KMT2C: variants seen among roughly 807,000 people sequenced by gnomAD.
KMT2C encodes histone-lysine N-methyltransferase 2C.
Under a neutral mutation model 507.9 loss-of-function variants are expected in KMT2C, and 88 were observed. That is an observed-to-expected ratio of 0.17 (90% CI 0.15 to 0.21). The LOEUF is 0.21. KMT2C is among the 10% of genes least tolerant of loss of function. The probability of loss-of-function intolerance (pLI) is 1.00; values close to 1 mark genes in which losing one functional copy is unlikely to be tolerated. For synonymous variants in KMT2C, 2,049 were observed against 2,080.8 expected (o/e 0.98, Z 0.42); for missense variants, 4,954 against 5,957.8 (o/e 0.83, Z 5.55).
chr7:152,378,142 T>A (rs1294695346), intron 1 of KMT2C, among the ~76,000 whole-genome samples: 1 of 152,224 alleles, frequency 6.6e-6, no homozygotes, highest in Non-Finnish European at 1.5e-5. Flanking sequence ...CAACAAAGGA[T>A]TCAGAATACT....
Position 152,177,024 on chromosome 7 carries a change from T to C in KMT2C, c.8429A>G (p.His2810Arg), listed in dbSNP as rs779206480. 5.0e-6 allele frequency: 8 copies of C among 1,613,990 alleles called. No individual in the cohort carries two copies. The highest frequency in any genetic ancestry group is 6.8e-6 in the Non-Finnish European group (8 of 1,180,034). ...AACAGTGGATTTTTTCTGTGGTGAA[T>C]GTTTATCAGAGAGAACCAGAGTTTT... ...ENKTLVLSDKHSPQKKSTVTN... is the reference protein window; with the variant it reads ...ENKTLVLSDKRSPQKKSTVTN... Residue 2810 changes from histidine to arginine, a missense_variant, in exon 38 of 59, where the codon CAT becomes CGT. Physicochemically the swap from His to Arg is conservative, Grantham distance 29. Transcript: ENST00000262189.
intron 3 of KMT2C, among the ~76,000 whole-genome samples, chr7:152,326,181 C>T (rs983227263): frequency 1.3e-5 from 2 of 152,050 alleles, no homozygotes; most frequent in South Asian, 2.1e-4. Flanking sequence ...TTGGCTTATC[C>T]TGTCTTTTGC....
chr7:152,198,237 CAAT>C (rs777202801), intron 27 of KMT2C, among the ~76,000 whole-genome samples: 1 of 152,298 alleles, frequency 6.6e-6, no homozygotes, highest in South Asian at 2.1e-4. Context: ...TCACTACCAA[CAAT>C]GAGGCAGACT....
At chr7:152,190,974 CACT>C (rs1208766368) in intron 31 of KMT2C, among the ~76,000 whole-genome samples, 1 of 152,274 alleles carries the variant, frequency 6.6e-6, no homozygotes, top group African/African-American at 2.4e-5. Flanking sequence ...AATCTCTCAC[CACT>C]TTTTTTACTT....
At chr7:152,146,914 AT>A (rs887331449) in intron 52 of KMT2C, among the ~76,000 whole-genome samples, 179 bp from the exon 53 acceptor site, 11 of 152,080 alleles carry the variant, frequency 7.2e-5, no homozygotes, top group African/African-American at 2.7e-4. Flanking sequence ...AATGGCAGCA[AT>A]TTTTTTTAAA....
chr7:152,356,547 G>A (rs932323196), intron 2 of KMT2C, among the ~76,000 whole-genome samples: 7 of 151,818 alleles, frequency 4.6e-5, no homozygotes, highest in Non-Finnish European at 1.0e-4. Context: ...CTGCACTCCA[G>A]CCTGGGGAAC....
intron 1 of KMT2C, among the ~76,000 whole-genome samples, chr7:152,386,927 C>T (rs1296217115): frequency 4.6e-5 from 7 of 152,134 alleles, no homozygotes; most frequent in African/African-American, 1.7e-4. Context: ...CCAGTAAGGG[C>T]ACCAAGATTT....
intron 44 of KMT2C, 131 bp downstream of exon 44, chr7:152,158,732 T>C (rs373408115): frequency 1.6e-5 from 13 of 793,850 alleles, no homozygotes; most frequent in South Asian, 1.4e-4. Flanking sequence ...GCTAAGCTCA[T>C]CTAGAACTCA....
intron 31 of KMT2C, among the ~76,000 whole-genome samples, chr7:152,193,607 C>CAGCT (rs1329564687): frequency 3.3e-5 from 5 of 152,018 alleles, no homozygotes; most frequent in African/African-American, 1.2e-4. Context: ...GGGTGGTGAC[C>CAGCT]AGCTAACCTC....
At chr7:152,305,181 G>A (rs897798659) in intron 6 of KMT2C, among the ~76,000 whole-genome samples, 3 of 152,104 alleles carry the variant, frequency 2.0e-5, no homozygotes, top group Non-Finnish European at 4.4e-5. Context: ...AATGGCACTA[G>A]TATACTAGTG....
At position 152,180,263 on chromosome 7, in the gene KMT2C, C is replaced by T. The variant is rs1347268260; in HGVS notation, c.7150-137G>A. The T allele has an allele frequency of 6.8e-6, 6 of 878,384 alleles. No individual in the cohort carries two copies. In the South Asian group the frequency reaches 9.1e-5, roughly 13 times the overall value. 54.4% of individuals were successfully genotyped at this position (878,384 alleles called of 1,614,324 possible). On this transcript the variant is annotated intron_variant, in intron 36 of 58. Transcript: ENST00000262189. Reference sequence around the variant, plus strand: ...CTCAAATTCCTGGACTCAAGTGATCCTCCTGTCTCAGCCTCTCAAGTAGCT... The same window carrying T: ...CTCAAATTCCTGGACTCAAGTGATCTTCCTGTCTCAGCCTCTCAAGTAGCT...
At chr7:152,379,592 T>C (rs530530882) in intron 1 of KMT2C, among the ~76,000 whole-genome samples, 132 of 152,270 alleles carry the variant, frequency 8.7e-4, no homozygotes, top group African/African-American at 2.9e-3. Flanking sequence ...GGTGCACACA[T>C]AGAGCCCCAG....
chr7:152,428,554 C>G (rs1335739254), intron 1 of KMT2C, among the ~76,000 whole-genome samples: 1 of 151,442 alleles, frequency 6.6e-6, no homozygotes, highest in Non-Finnish European at 1.5e-5. Context: ...TCACTTGTAC[C>G]CGGGAGGCAG....
At chr7:152,210,433 C>T (rs762491335) in intron 23 of KMT2C, among the ~76,000 whole-genome samples, 2 of 152,118 alleles carry the variant, frequency 1.3e-5, no homozygotes, top group South Asian at 2.1e-4. Flanking sequence ...AAAGATTATC[C>T]GACTATGGTC....
At chr7:152,155,288 A>C (rs2091963428) in intron 46 of KMT2C, among the ~76,000 whole-genome samples, 1 of 152,224 alleles carries the variant, frequency 6.6e-6, no homozygotes. Context: ...GGTTAAATAA[A>C]TGTCTCATCA....
At position 152,400,593 on chromosome 7, in the gene KMT2C, A is replaced by C. The variant is rs2097566552; in HGVS notation, c.161+35033T>G. On this transcript the variant is annotated intron_variant, in intron 1 of 58. Transcript: ENST00000262189. ...AATCCCTTCAAAACTCTGAGGGAAA[A>C]CAATTTTCAGCTTAATTGCACTTGA... Among the ~76,000 whole-genome samples, 7 of 152,220 alleles carry C rather than the reference A, an allele frequency of 4.6e-5. No homozygotes were observed. The South Asian group carries it at 1.4e-3, about 32-fold the overall frequency.
chr7:152,165,358 T>G (rs541524986), intron 42 of KMT2C, among the ~76,000 whole-genome samples: 1 of 152,212 alleles, frequency 6.6e-6, no homozygotes, highest in Non-Finnish European at 1.5e-5. Flanking sequence ...ATTTGATCTA[T>G]GGATATGCAA....
At chr7:152,141,510 A>G (rs1400059230) in intron 55 of KMT2C, among the ~76,000 whole-genome samples, 5 of 147,834 alleles carry the variant, frequency 3.4e-5, no homozygotes, top group East Asian at 2.0e-4. Context: ...GAGTTTGAGG[A>G]CCAGCCTGGC....
At chr7:152,343,768 G>A (rs2097023767) in intron 2 of KMT2C, among the ~76,000 whole-genome samples, 1 of 152,146 alleles carries the variant, frequency 6.6e-6, no homozygotes, top group African/African-American at 2.4e-5. Context: ...GTAACATGTT[G>A]AGAGAAAGAA....
Sources: allele counts gnomAD v4.1 joint callset (sites outside exome capture counted in the v4.1 genomes callset), GRCh38; gene constraint gnomAD v4.1.1; transcripts MANE v1.5; gene names NCBI Gene and HGNC (gene_info 2026-07-23, HGNC 2026-07-21).